Variants in DPP10 observed in about 807,000 individuals in gnomAD.
DPP10 encodes the protein dipeptidyl peptidase like 10.
DPP10 carries 33 observed loss-of-function variants against 120.9 expected under a neutral mutation model. That is an observed-to-expected ratio of 0.27 (90% CI 0.21 to 0.37). The LOEUF (loss-of-function observed/expected upper bound fraction) is 0.37, where lower values mean the gene tolerates loss of function less well. Ranked by LOEUF, DPP10 falls within the 10% of genes least tolerant of loss-of-function variation. The pLI, the probability that DPP10 is intolerant of heterozygous loss-of-function variation, is 1.00. For missense variants in DPP10, 816 were observed against 942.8 expected, an observed-to-expected ratio of 0.87 and a Z score of 1.76; for synonymous variants, 337 against 326.1, an observed-to-expected ratio of 1.03 and a Z score of -0.36.
chr2:115,735,894 A>G (rs1676432289), intron 8 of DPP10, among the ~76,000 whole-genome samples: 1 of 152,018 alleles, frequency 6.6e-6, no homozygotes, highest in Non-Finnish European at 1.5e-5. Context: ...ACTATTGGGC[A>G]AAAATGTATT....
At chr2:115,079,288 G>A (rs1421363891) in intron 1 of DPP10, among the ~76,000 whole-genome samples, 1 of 151,968 alleles carries the variant, frequency 6.6e-6, no homozygotes, top group South Asian at 2.1e-4. Flanking sequence ...GCTGAGGCAG[G>A]AGGATGGCGT....
chr2:114,523,744 A>G (rs1171023203), intron 1 of DPP10, among the ~76,000 whole-genome samples: 1 of 152,124 alleles, frequency 6.6e-6, no homozygotes, highest in Non-Finnish European at 1.5e-5. Context: ...ACAATCTCAG[A>G]GGGTCAGCCT....
chr2:115,460,325 C>T (rs913014305), intron 3 of DPP10, among the ~76,000 whole-genome samples: 55 of 152,114 alleles, frequency 3.6e-4, no homozygotes, highest in Non-Finnish European at 2.2e-4. Flanking sequence ...TCTCTTGGCA[C>T]GTAAGTAGAA....
chr2:114,457,182 T>C (rs1678630423), intron 1 of DPP10, among the ~76,000 whole-genome samples: 1 of 152,202 alleles, frequency 6.6e-6, no homozygotes, highest in African/African-American at 2.4e-5. Flanking sequence ...ACTCTGTTGG[T>C]CAATACAAAT....
At chr2:114,867,812 A>G (rs1285804930) in intron 1 of DPP10, among the ~76,000 whole-genome samples, 1 of 152,172 alleles carries the variant, frequency 6.6e-6, no homozygotes, top group African/African-American at 2.4e-5. Flanking sequence ...TTAAAGGAAA[A>G]TGAGGTCATG....
At chr2:115,433,232 A>G (rs2071168874) in intron 3 of DPP10, among the ~76,000 whole-genome samples, 1 of 151,962 alleles carries the variant, frequency 6.6e-6, no homozygotes, top group Non-Finnish European at 1.5e-5. Context: ...GGCATTTTTC[A>G]TTTTCATGCC....
At chr2:115,663,920 G>A (rs188244984) in intron 5 of DPP10, among the ~76,000 whole-genome samples, 143 of 151,928 alleles carry the variant, frequency 9.4e-4, no homozygotes, top group Admixed American at 1.6e-3. Flanking sequence ...GCTTGAACCC[G>A]GGAGGCAGAG....
intron 5 of DPP10, among the ~76,000 whole-genome samples, chr2:115,567,979 A>G (rs897159872): frequency 3.3e-5 from 5 of 151,370 alleles, no homozygotes; most frequent in Non-Finnish European, 5.9e-5. Context: ...AGTTCCAGAC[A>G]AGCCTGGCCA....
At chr2:115,746,996 T>C (rs563876451) in intron 10 of DPP10, among the ~76,000 whole-genome samples, 1 of 152,332 alleles carries the variant, frequency 6.6e-6, no homozygotes, top group East Asian at 1.9e-4. Context: ...TGTTGTTTCA[T>C]TGACATTATT....
chr2:114,536,317 T>C (rs1423539001), intron 1 of DPP10, among the ~76,000 whole-genome samples: 1 of 152,188 alleles, frequency 6.6e-6, no homozygotes, highest in East Asian at 1.9e-4. Flanking sequence ...ATTTCAGCCA[T>C]TTAGATTTAA....
chr2:115,707,421 TACACACAC>T lies in DPP10; in HGVS notation c.576+17535_576+17542del, dbSNP rs35961586. Among the ~76,000 whole-genome samples, 992 of 138,790 alleles carry T rather than the reference TACACACAC, an allele frequency of 7.1e-3. 10 individuals carry two copies. Among genetic ancestry groups the T allele is most frequent in the South Asian group, 0.015 (62 of 4,188 alleles). The allele number at this position is 138,790 out of a possible 152,430, so 91.1% of individuals were successfully genotyped here. On this transcript the variant is annotated intron_variant, in intron 7 of 25. Transcript: ENST00000410059. The stretch of plus-strand genomic sequence containing the variant: ...AATTAAGTAAGAAACAAACAAATTT[TACACACAC>T]ACACACACACACACACACACACACA...
chr2:115,608,326 G>A (rs910295039), intron 5 of DPP10, among the ~76,000 whole-genome samples: 3 of 152,082 alleles, frequency 2.0e-5, no homozygotes, highest in African/African-American at 4.8e-5. Flanking sequence ...GGAAGCAGAA[G>A]CTGTAGTGAG....
chr2:115,442,640 A>G (rs1467215894), intron 3 of DPP10, among the ~76,000 whole-genome samples: 1 of 152,264 alleles, frequency 6.6e-6, no homozygotes, highest in East Asian at 1.9e-4. Flanking sequence ...GGCTTTGATG[A>G]TGAATGAGAG....
chr2:115,460,409 G>A (rs2073920153), intron 3 of DPP10, among the ~76,000 whole-genome samples: 1 of 152,070 alleles, frequency 6.6e-6, no homozygotes, highest in African/African-American at 2.4e-5. Flanking sequence ...ATTCCCATGG[G>A]TAAAAAAGCA....
At chr2:114,890,421 T>G (rs1305100496) in intron 1 of DPP10, among the ~76,000 whole-genome samples, 1 of 151,950 alleles carries the variant, frequency 6.6e-6, no homozygotes, top group Admixed American at 6.6e-5. Context: ...CCCAAAAAAA[T>G]GAATAAGCAA....
At chr2:114,455,156 T>TTGTGTGTGTGTGTGTGTGTGTGTG (rs141717813) in intron 1 of DPP10, among the ~76,000 whole-genome samples, 1 of 147,392 alleles carries the variant, frequency 6.8e-6, no homozygotes, top group Non-Finnish European at 1.5e-5. Context: ...TTTCTTTCTA[T>TTGTGTGTGTGTGTGTGTGTGTGTG]TGTGTGTGTG....
chr2:115,455,788 C>T (rs139933740), intron 3 of DPP10, among the ~76,000 whole-genome samples: 4 of 152,108 alleles, frequency 2.6e-5, no homozygotes, highest in African/African-American at 4.8e-5. Context: ...AAGTGGATCA[C>T]TTCCTTTCAC....
intron 1 of DPP10, among the ~76,000 whole-genome samples, chr2:114,944,843 G>C (rs1697228492): frequency 6.6e-6 from 1 of 151,974 alleles, no homozygotes. Flanking sequence ...TCATAATCAG[G>C]AGTTTTTGCA....
At chr2:115,472,530 T>C (rs978130261) in intron 3 of DPP10, among the ~76,000 whole-genome samples, 2 of 152,218 alleles carry the variant, frequency 1.3e-5, no homozygotes, top group African/African-American at 4.8e-5. Context: ...CATTTTAAAC[T>C]TAAAGCAGAT....
Sources: gnomAD v4.1 joint callset for allele counts (sites outside exome capture counted in the v4.1 genomes callset) on GRCh38, gnomAD v4.1.1 for gene constraint, MANE v1.5 for transcripts, NCBI Gene and HGNC (gene_info 2026-07-23, HGNC 2026-07-21) for gene names.